The following CHRNA7 variants were observed in gnomAD, a reference collection of about 807,000 sequenced individuals.
CHRNA7 encodes the protein cholinergic receptor nicotinic alpha 7 subunit.
CHRNA7 carries 17 observed loss-of-function variants against 48.0 expected under a neutral mutation model. The ratio of observed to expected loss-of-function variants is 0.35; its 90% CI spans 0.24 to 0.53. The LOEUF (loss-of-function observed/expected upper bound fraction) is 0.53, where lower values mean the gene tolerates loss of function less well. Among genes scored for constraint, CHRNA7 ranks in the 20% least tolerant of loss-of-function variants. CHRNA7 has a pLI of 0.92. For synonymous variants in CHRNA7, 75 were observed against 242.3 expected (o/e 0.31, Z 6.41); for missense variants, 155 against 577.7 (o/e 0.27, Z 7.50).
intron 2 of CHRNA7, among the ~76,000 whole-genome samples, chr15:32,043,313 A>T (rs543533642): frequency 6.6e-6 from 1 of 152,328 alleles, no homozygotes; most frequent in East Asian, 1.9e-4. Flanking sequence ...GTTTTTAAAA[A>T]AATTGAATTT....
At chr15:32,105,524 A>G (rs1321664483) in intron 3 of CHRNA7, among the ~76,000 whole-genome samples, 2 of 151,164 alleles carry the variant, frequency 1.3e-5, no homozygotes, top group Admixed American at 6.6e-5. Context: ...GAGGAGGAAA[A>G]GAGGAGGAGG....
At chr15:32,121,098 C>T (rs1413810392) in intron 4 of CHRNA7, among the ~76,000 whole-genome samples, 1 of 152,190 alleles carries the variant, frequency 6.6e-6, no homozygotes, top group Admixed American at 6.5e-5. Context: ...AGCTGGGCCT[C>T]CCCAGCATGC....
chr15:32,100,737 A>C (rs890711756), intron 2 of CHRNA7: 8 of 154,768 alleles, frequency 5.2e-5, no homozygotes, highest in African/African-American at 1.9e-4. Flanking sequence ...CAAGAGCCCG[A>C]TGTGCCTCCT....
intron 4 of CHRNA7, among the ~76,000 whole-genome samples, chr15:32,114,690 G>A (rs2050838320): frequency 1.3e-5 from 2 of 152,246 alleles, no homozygotes; most frequent in South Asian, 4.1e-4. Flanking sequence ...AGATTTCAGA[G>A]AATATTTAAA....
At chr15:32,140,752 G>A (rs189070564) in intron 4 of CHRNA7, among the ~76,000 whole-genome samples, 2 of 152,224 alleles carry the variant, frequency 1.3e-5, no homozygotes, top group Non-Finnish European at 2.9e-5. Flanking sequence ...CATATCCTTT[G>A]CCCACTTTTT....
upstream of CHRNA7, chr15:32,030,512 G>A (rs1011357046): frequency 4.1e-5 from 53 of 1,300,812 alleles, 2 homozygotes; most frequent in Admixed American, 1.8e-3. Flanking sequence ...CGAGCGGCGA[G>A]GTGCCTCTGT....
chr15:32,144,422 T>A (rs748730646), intron 4 of CHRNA7, among the ~76,000 whole-genome samples: 57 of 152,330 alleles, frequency 3.7e-4, no homozygotes, highest in Non-Finnish European at 6.3e-4. Flanking sequence ...AGAGTAGCTT[T>A]GTGGTGTTCT....
At chr15:32,046,387 T>C (rs555946589) in intron 2 of CHRNA7, among the ~76,000 whole-genome samples, 1 of 148,266 alleles carries the variant, frequency 6.7e-6, no homozygotes, top group Non-Finnish European at 1.5e-5. Flanking sequence ...GGTATCTCAC[T>C]GTGGTTTTGA....
At chr15:32,143,795 T>C (rs552186666) in intron 4 of CHRNA7, among the ~76,000 whole-genome samples, 16 of 152,304 alleles carry the variant, frequency 1.1e-4, no homozygotes, top group Non-Finnish European at 1.9e-4. Context: ...ATCCCTTCAT[T>C]TTGAGCCTAT....
intron 2 of CHRNA7, among the ~76,000 whole-genome samples, chr15:32,088,741 G>A (rs1428678687): frequency 6.6e-6 from 1 of 151,986 alleles, no homozygotes; most frequent in Non-Finnish European, 1.5e-5. Context: ...TGAGTTGCCT[G>A]TTCATATCAT....
intron 2 of CHRNA7, among the ~76,000 whole-genome samples, chr15:32,050,614 G>A (rs1439038670): frequency 6.6e-6 from 1 of 152,160 alleles, no homozygotes; most frequent in Admixed American, 6.5e-5. Flanking sequence ...GCTCGGAGTA[G>A]TTTGGTCGTC....
chr15:32,042,667 C>CCAGA, intron 2 of CHRNA7, among the ~76,000 whole-genome samples: 1 of 152,302 alleles, frequency 6.6e-6, no homozygotes, highest in Non-Finnish European at 1.5e-5. Context: ...TTAGTCTCTG[C>CCAGA]TCTGGAAAGT....
intron 2 of CHRNA7, among the ~76,000 whole-genome samples, chr15:32,093,468 G>A (rs768906043): frequency 1.3e-5 from 2 of 152,196 alleles, no homozygotes; most frequent in Non-Finnish European, 2.9e-5. Context: ...GTGGACATCA[G>A]GTTGGGTGGG....
At chr15:32,108,598 G>A (rs926103434) in intron 3 of CHRNA7, among the ~76,000 whole-genome samples, 6 of 152,112 alleles carry the variant, frequency 3.9e-5, no homozygotes, top group Non-Finnish European at 5.9e-5. Context: ...TGGGGCCCCC[G>A]GGCTCAGGAT....
chr15:32,126,390 A>G (rs2051066865), intron 4 of CHRNA7, among the ~76,000 whole-genome samples: 2 of 152,180 alleles, frequency 1.3e-5, no homozygotes, highest in Admixed American at 1.3e-4. Flanking sequence ...CTACATTGAC[A>G]CAATCTCTTT....
chr15:32,080,955 G>A (rs2050206561), intron 2 of CHRNA7, among the ~76,000 whole-genome samples: 1 of 152,130 alleles, frequency 6.6e-6, no homozygotes, highest in Non-Finnish European at 1.5e-5. Flanking sequence ...ATACTACAGA[G>A]CCATAAAAAG....
At chr15:32,133,463 C>T (rs2051191350) in intron 4 of CHRNA7, among the ~76,000 whole-genome samples, 1 of 152,152 alleles carries the variant, frequency 6.6e-6, no homozygotes, top group African/African-American at 2.4e-5. Context: ...TCCTGGGTCG[C>T]AAAAGTCATT....
At chr15:32,032,666 C>G (rs1901900637) in intron 2 of CHRNA7, among the ~76,000 whole-genome samples, 1 of 152,154 alleles carries the variant, frequency 6.6e-6, no homozygotes, top group Non-Finnish European at 1.5e-5. Context: ...TCCAGCCAGG[C>G]TGTCACACTG....
chr15:32,084,697 A>G (rs889007924), intron 2 of CHRNA7, among the ~76,000 whole-genome samples: 4 of 152,012 alleles, frequency 2.6e-5, no homozygotes, highest in Admixed American at 6.5e-5. Flanking sequence ...GCCCTGGGAA[A>G]CTCCTCAGGC....
Sources: gnomAD v4.1 joint callset for allele counts (sites outside exome capture counted in the v4.1 genomes callset) on GRCh38, gnomAD v4.1.1 for gene constraint, MANE v1.5 for transcripts, NCBI Gene and HGNC (gene_info 2026-07-23, HGNC 2026-07-21) for gene names.